SYNE2: variants seen among roughly 807,000 people sequenced by gnomAD.
SYNE2 encodes the protein nesprin-2.
SYNE2 carries 431 observed loss-of-function variants against 856.3 expected under a neutral mutation model. The ratio of observed to expected loss-of-function variants is 0.50; its 90% CI spans 0.47 to 0.55. The LOEUF (loss-of-function observed/expected upper bound fraction) is 0.55, where lower values mean the gene tolerates loss of function less well. Ranked by LOEUF, SYNE2 falls within the 20% of genes least tolerant of loss-of-function variation. The pLI is 0.00. For missense variants in SYNE2, 8,129 were observed against 8,023.2 expected (o/e 1.01, Z -0.50); for synonymous variants, 2,923 against 2,872.3 (o/e 1.02, Z -0.56).
intron 1 of SYNE2, among the ~76,000 whole-genome samples, chr14:63,768,284 A>T (rs917045651): frequency 6.6e-6 from 1 of 152,208 alleles, no homozygotes; most frequent in Non-Finnish European, 1.5e-5. Flanking sequence ...AAATTATAAC[A>T]ACAAAACAAG....
intron 1 of SYNE2, among the ~76,000 whole-genome samples, chr14:63,790,528 A>C (rs1019086118): frequency 6.6e-6 from 1 of 152,140 alleles, no homozygotes; most frequent in Non-Finnish European, 1.5e-5. Context: ...TTGTAATCAG[A>C]AAAAACAATA....
At position 64,001,967 on chromosome 14, in the gene SYNE2, G is replaced by T. The variant is rs1389424623; in HGVS notation, c.3672G>T (p.Val1224=). 1 of 1,613,956 alleles carries T rather than the reference G, an allele frequency of 6.2e-7. No individual in the cohort carries two copies. Among genetic ancestry groups the T allele is most frequent in the Non-Finnish European group, 8.5e-7 (1 of 1,180,010 alleles). Residue 1224 remains valine, a synonymous_variant, in exon 29 of 116, where the codon GTG becomes GTT. Coordinates refer to ENST00000555002, the MANE Select transcript of SYNE2 (RefSeq NM_182914.3). ...MESLETALRL[V]LPVEKASLLL... ...CTTTAGAGACAGCACTGCGGCTTGT[G>T]TTACCTGTAGAGAAGGCATCACTTC...
At chr14:63,896,827 TTAAC>T (rs1301929408) in intron 1 of SYNE2, among the ~76,000 whole-genome samples, 16 of 152,266 alleles carry the variant, frequency 1.1e-4, no homozygotes, top group African/African-American at 3.1e-4. Flanking sequence ...ACTTAGATGT[TTAAC>T]TAAGTAAACT....
intron 17 of SYNE2, among the ~76,000 whole-genome samples, chr14:63,983,109 G>A (rs963578636): frequency 1.3e-5 from 2 of 152,014 alleles, no homozygotes; most frequent in African/African-American, 4.8e-5. Flanking sequence ...TTGTTACTTG[G>A]CATAATATTT....
intron 55 of SYNE2, 88 bp from the exon 56 acceptor site, chr14:64,080,368 A>G: frequency 1.5e-6 from 2 of 1,291,100 alleles, no homozygotes; most frequent in Non-Finnish European, 2.2e-6. Context: ...AGTAGCATTT[A>G]TAAATGTAAA....
intron 1 of SYNE2, among the ~76,000 whole-genome samples, chr14:63,858,077 AAAG>A (rs984599530): frequency 1.3e-5 from 2 of 151,894 alleles, no homozygotes; most frequent in African/African-American, 4.8e-5. Context: ...AGAGGGTGAG[AAAG>A]AAGCAAAATG....
chr14:63,840,347 T>C lies in SYNE2; in HGVS notation c.-304-12154T>C, dbSNP rs1566600548. Among the ~76,000 whole-genome samples the C allele has an allele frequency of 5.9e-5, 9 of 152,144 alleles. No homozygotes were observed. The South Asian group carries it at 1.9e-3, about 32-fold the overall frequency. ...ATTTTAGCATGGGAACTGGTTTTGC[T>C]TTATAGGGTCATTCAGGGAACCCAG... On this transcript the variant is annotated intron_variant, in intron 1 of 23. Coordinates refer to the SYNE2 transcript ENST00000674003.
intron 85 of SYNE2, among the ~76,000 whole-genome samples, chr14:64,154,988 T>A (rs1053875109): frequency 2.0e-5 from 3 of 152,036 alleles, no homozygotes; most frequent in African/African-American, 7.2e-5. Flanking sequence ...GTAACAAGTG[T>A]TAATGTGGAT....
chr14:63,814,811 T>TATATATCC, intron 1 of SYNE2, among the ~76,000 whole-genome samples: 1 of 123,666 alleles, frequency 8.1e-6, no homozygotes, highest in African/African-American at 3.0e-5. Flanking sequence ...TATATATCCA[T>TATATATCC]ATATATATCC....
At chr14:63,896,267 C>T (rs866422675) in intron 1 of SYNE2, among the ~76,000 whole-genome samples, 6 of 152,182 alleles carry the variant, frequency 3.9e-5, no homozygotes, top group South Asian at 2.1e-4. Flanking sequence ...TGTGTACTCC[C>T]GAACTCCTGT....
Position 63,895,635 on chromosome 14 carries a change from G to A in SYNE2, c.-51-13463G>A, listed in dbSNP as rs367832518. On this transcript the variant is annotated intron_variant, in intron 1 of 115. Coordinates refer to ENST00000555002, the MANE Select transcript of SYNE2 (RefSeq NM_182914.3). ...AATTCAGAAATTAGCTGGGCAGGTG[G>A]TGTGTGCCTATTGTCCCAGGTACTC... is the stretch of plus-strand genomic sequence containing the variant. 4.6e-5 allele frequency among the ~76,000 whole-genome samples: 7 copies of A among 150,930 alleles called. No homozygotes were observed. The South Asian group carries it at 1.1e-3, about 23-fold the overall frequency.
chr14:63,904,417 G>T (rs978010776), intron 1 of SYNE2, among the ~76,000 whole-genome samples: 1 of 152,136 alleles, frequency 6.6e-6, no homozygotes, highest in Non-Finnish European at 1.5e-5. Context: ...CACAGTGGCT[G>T]CACTAATTTA....
chr14:63,899,925 AT>A (rs1410585157), intron 1 of SYNE2, among the ~76,000 whole-genome samples: 1 of 152,236 alleles, frequency 6.6e-6, no homozygotes, highest in Non-Finnish European at 1.5e-5. Flanking sequence ...ACTGTGTAGT[AT>A]ATTTCTTAAT....
At chr14:64,064,346 A>G (rs749963712) in intron 50 of SYNE2, among the ~76,000 whole-genome samples, 3 of 152,132 alleles carry the variant, frequency 2.0e-5, no homozygotes, top group Non-Finnish European at 4.4e-5. Flanking sequence ...ATGGAGAGAG[A>G]TGGCTTGAGA....
intron 2 of SYNE2, among the ~76,000 whole-genome samples, chr14:63,933,655 T>C (rs2095794152): frequency 6.6e-6 from 1 of 152,252 alleles, no homozygotes; most frequent in African/African-American, 2.4e-5. Flanking sequence ...TATATTTGCC[T>C]GAAAAATCAA....
chr14:64,130,268 C>T lies in SYNE2; in HGVS notation c.14340+20C>T, dbSNP rs866934041. ...CACAAGGTGAGACAGACACATGGGT[C>T]GGGTGACCCCTTCATAGACTAAAAT... On this transcript the variant is annotated intron_variant, in intron 76 of 115. Transcript: ENST00000555002. The T allele has an allele frequency of 3.1e-6, 5 of 1,597,914 alleles. No individual in the cohort carries two copies. Among genetic ancestry groups the T allele is most frequent in the East Asian group, 2.3e-5 (1 of 44,056 alleles).
chr14:64,081,377 A>G (rs533617260), intron 56 of SYNE2, 66 bp from the exon 57 acceptor site: 14 of 1,596,272 alleles, frequency 8.8e-6, no homozygotes, highest in African/African-American at 6.7e-5. Context: ...TTGACTCTTC[A>G]TCTAGGAGTC....
chr14:63,887,032 C>T (rs1190015098), intron 1 of SYNE2, among the ~76,000 whole-genome samples: 1 of 152,070 alleles, frequency 6.6e-6, no homozygotes, highest in Non-Finnish European at 1.5e-5. Context: ...CCTGTAATCC[C>T]AGGACTTTGG....
At chr14:63,988,718 A>G (rs1420409378) in intron 19 of SYNE2, among the ~76,000 whole-genome samples, 1 of 152,228 alleles carries the variant, frequency 6.6e-6, no homozygotes. Context: ...GGAAGGCCTC[A>G]CAATCATGGT....
Sources: allele counts gnomAD v4.1 joint callset (sites outside exome capture counted in the v4.1 genomes callset), GRCh38; gene constraint gnomAD v4.1.1; transcripts MANE v1.5; gene names NCBI Gene and HGNC (gene_info 2026-07-23, HGNC 2026-07-21).